Variants in EHMT1 observed in about 807,000 individuals in gnomAD.
EHMT1 encodes the protein histone-lysine N-methyltransferase EHMT1.
A neutral mutation model predicts 147.2 loss-of-function variants in EHMT1; 15 were observed. The ratio of observed to expected loss-of-function variants is 0.10; its 90% CI spans 0.07 to 0.16. The LOEUF is 0.16. Among genes scored for constraint, EHMT1 ranks in the 10% least tolerant of loss-of-function variants. EHMT1 has a pLI of 1.00. For synonymous variants in EHMT1, 795 were observed against 709.6 expected, an observed-to-expected ratio of 1.12 and a Z score of -1.91; for missense variants, 1,587 against 1,772.4, an observed-to-expected ratio of 0.90 and a Z score of 1.88.
intron 1 of EHMT1, among the ~76,000 whole-genome samples, chr9:137,642,131 C>T (rs1225060093): frequency 2.0e-5 from 3 of 152,100 alleles, no homozygotes; most frequent in African/African-American, 2.4e-5. Flanking sequence ...TGAGCCACTG[C>T]GCCCGGCCCC....
chr9:137,704,472 G>GT (rs920234175), intron 1 of EHMT1, among the ~76,000 whole-genome samples: 5 of 152,182 alleles, frequency 3.3e-5, no homozygotes, highest in African/African-American at 7.2e-5. Context: ...ATAGTGTTTG[G>GT]TTTTTTTAAT....
At chr9:137,736,551 C>T (rs1016498420) in intron 4 of EHMT1, among the ~76,000 whole-genome samples, 2 of 152,194 alleles carry the variant, frequency 1.3e-5, no homozygotes, top group Non-Finnish European at 2.9e-5. Context: ...TTTCTAGGAT[C>T]GACCATATGT....
At chr9:137,830,309 T>A (rs1337401527) in intron 25 of EHMT1, among the ~76,000 whole-genome samples, 1 of 152,192 alleles carries the variant, frequency 6.6e-6, no homozygotes, top group Non-Finnish European at 1.5e-5. Flanking sequence ...CTCCAGGATG[T>A]CCTTGTGCTT....
At chr9:137,698,082 A>G (rs1588226675) in intron 1 of EHMT1, among the ~76,000 whole-genome samples, 1 of 151,902 alleles carries the variant, frequency 6.6e-6, no homozygotes, top group African/African-American at 2.4e-5. Context: ...CGGAGGCCTC[A>G]CTCCCTGGCT....
In EHMT1 at chr9:137,782,294, A is replaced by G; in HGVS notation, c.2279A>G (p.Asp760Gly). ...ATAAAACTGTGTTTGTTCACAGTGG[A>G]CGGAATTGACCCCAACTTCAAAATG... ...ELQKVLLMLVDGIDPNFKMEH... is the reference protein window; with the variant it reads ...ELQKVLLMLVGGIDPNFKMEH... The change falls in exon 15 of 27, where the codon GAC (aspartate) becomes GGC (glycine). Residue 760 changes from aspartate (D) to glycine (G), a missense_variant. Coordinates refer to ENST00000460843, the MANE Select transcript of EHMT1 (RefSeq NM_024757.5). The surrounding 1 kb of genome is among the most constrained non-coding windows in gnomAD (Gnocchi z 5.7). The G allele has an allele frequency of 1.2e-6, 2 of 1,613,418 alleles. No individual in the cohort carries two copies.
At chr9:137,672,638 A>G (rs900101249) in intron 1 of EHMT1, among the ~76,000 whole-genome samples, 1 of 152,266 alleles carries the variant, frequency 6.6e-6, no homozygotes, top group Non-Finnish European at 1.5e-5. Flanking sequence ...ACTGCAGTGA[A>G]CTAACCAACC....
intron 18 of EHMT1, chr9:137,803,141 T>A: frequency 8.1e-7 from 1 of 1,228,130 alleles, no homozygotes. Flanking sequence ...TCTCTGATGC[T>A]GGTGGCTGTT....
chr9:137,659,214 T>C (rs1456915917), intron 1 of EHMT1, among the ~76,000 whole-genome samples: 3 of 152,104 alleles, frequency 2.0e-5, no homozygotes, highest in African/African-American at 7.2e-5. Context: ...TTCTTATTAA[T>C]GTTGAACATC....
chr9:137,711,349 G>A (rs759883001), intron 2 of EHMT1, among the ~76,000 whole-genome samples: 10 of 152,238 alleles, frequency 6.6e-5, no homozygotes, highest in South Asian at 2.1e-4. Context: ...GCCGAAAACC[G>A]GAGACACTCC....
intron 1 of EHMT1, among the ~76,000 whole-genome samples, chr9:137,626,029 ATT>A (rs768825527): frequency 1.3e-4 from 14 of 111,510 alleles, no homozygotes; most frequent in Non-Finnish European, 9.6e-5. Context: ...CTAATTTTGT[ATT>A]TTTTTTTTTT....
At chr9:137,724,401 T>G (rs1282945634) in intron 3 of EHMT1, among the ~76,000 whole-genome samples, 1 of 152,184 alleles carries the variant, frequency 6.6e-6, no homozygotes, top group Non-Finnish European at 1.5e-5. Context: ...GGGCCGGCCG[T>G]GCTGCCTCCA....
rs368036063 is a variant in EHMT1 at position 137,776,879 on chromosome 9, C to A, written c.2018+35C>A. On this transcript the variant is annotated intron_variant, in intron 12 of 26. Transcript: ENST00000460843. The surrounding 1 kb of genome is among the most constrained non-coding windows in gnomAD (Gnocchi z 4.4). ...ACAGGCTCTGGCTGGGCTCTCCAGT[C>A]GTCCACCTGAAAAAGTTTCAGTTGT... The A allele has an allele frequency of 2.5e-6, 4 of 1,602,952 alleles. No homozygotes were observed. Among genetic ancestry groups the A allele is most frequent in the South Asian group, 2.2e-5 (2 of 90,324 alleles).
chr9:137,805,336 T>C (rs1210628976), intron 18 of EHMT1, among the ~76,000 whole-genome samples: 1 of 152,100 alleles, frequency 6.6e-6, no homozygotes, highest in Non-Finnish European at 1.5e-5. Flanking sequence ...TATGAGTTGG[T>C]CATCCATGTC....
At chr9:137,647,220 C>G (rs1261339225) in intron 1 of EHMT1, among the ~76,000 whole-genome samples, 3 of 152,136 alleles carry the variant, frequency 2.0e-5, no homozygotes, top group Non-Finnish European at 2.9e-5. Context: ...TGTCCTTATT[C>G]CCTGAGCTAT....
intron 8 of EHMT1, 142 bp downstream of exon 8, chr9:137,754,433 G>A: frequency 1.6e-6 from 2 of 1,257,420 alleles, no homozygotes; most frequent in Non-Finnish European, 2.2e-6. Context: ...AAATGACTTT[G>A]TTAGAGAAAC....
rs144352877 is a variant in EHMT1 at position 137,716,903 on chromosome 9, C to T, written c.363C>T (p.Gly121=). The T allele has an allele frequency of 5.2e-4, 844 of 1,613,040 alleles. 1 individual carries two copies. Among genetic ancestry groups the T allele is most frequent in the Non-Finnish European group, 6.4e-4 (757 of 1,179,908 alleles). ...ACTTTGTGCAGACTTCTGTCATCGG[C>T]AGCAACGGATACATCTTAAATAAGC... is the stretch of plus-strand genomic sequence containing the variant. ...ADDFVQTSVI[G]SNGYILNKPA... is the part of the protein sequence containing the mutation. The change falls in exon 3 of 27, where the codon GGC becomes GGT. Residue 121 remains glycine, a synonymous_variant. Transcript: ENST00000460843.
At chr9:137,784,196 A>G (rs1951782991) in intron 15 of EHMT1, 1 of 1,550,322 alleles carries the variant, frequency 6.5e-7, no homozygotes, top group South Asian at 1.2e-5. Flanking sequence ...GCCAGGAACC[A>G]CGCCAAGAGG....
intron 1 of EHMT1, among the ~76,000 whole-genome samples, chr9:137,699,114 T>A (rs1943628720): frequency 1.3e-5 from 2 of 152,182 alleles, no homozygotes; most frequent in African/African-American, 4.8e-5. Flanking sequence ...GGAGCAGGCA[T>A]TTGAACCCTG....
At chr9:137,710,668 T>C (rs1191075647) in intron 1 of EHMT1, among the ~76,000 whole-genome samples, 2 of 152,222 alleles carry the variant, frequency 1.3e-5, no homozygotes, top group Non-Finnish European at 2.9e-5. Context: ...GTAACACTCC[T>C]GTAACAGAGC....
Sources: allele counts gnomAD v4.1 joint callset (sites outside exome capture counted in the v4.1 genomes callset), GRCh38; gene constraint gnomAD v4.1.1; non-coding constraint Gnocchi (gnomAD v3.1); transcripts MANE v1.5; gene names NCBI Gene and HGNC (gene_info 2026-07-23, HGNC 2026-07-21).